Variants in PDXDC1 observed in about 807,000 individuals in gnomAD.
PDXDC1 encodes pyridoxal dependent decarboxylase domain containing 1, also known as pyridoxal-dependent decarboxylase domain-containing protein 1.
Under a neutral mutation model 100.1 loss-of-function variants are expected in PDXDC1, and 42 were observed. The observed-to-expected ratio is 0.42, with a 90% CI of 0.33 to 0.54. PDXDC1 has a LOEUF of 0.54. Among genes scored for constraint, PDXDC1 ranks in the 20% least tolerant of loss-of-function variants. The pLI is 0.10. For missense variants in PDXDC1, 636 were observed against 979.2 expected (o/e 0.65, Z 4.68); for synonymous variants, 260 against 371.7 (o/e 0.70, Z 3.46).
At chr16:15,044,104 C>G (rs2043946311) in intron 16 of PDXDC1, among the ~76,000 whole-genome samples, 1 of 152,156 alleles carries the variant, frequency 6.6e-6, no homozygotes, top group Admixed American at 6.5e-5. Context: ...AATGTGTTCA[C>G]TGCTGTTTTA....
At position 14,997,791 on chromosome 16, in the gene PDXDC1, G is replaced by C; in HGVS notation, c.60G>C (p.Leu20Phe). Residue 20 changes from leucine to phenylalanine, a missense_variant, in exon 2 of 23, where the codon TTG becomes TTC. Physicochemically the swap from Leu to Phe is conservative, Grantham distance 22. Coordinates refer to ENST00000396410, the MANE Select transcript of PDXDC1 (RefSeq NM_015027.4). ...DPTLAEMGKN[L>F]KEAVKMLEDS... ...CGTTAGCTGAAATGGGAAAAAACTTGAAGGAGGCAGTGAAGATGCTGGAGG... is the reference window on the plus strand; with the variant it reads ...CGTTAGCTGAAATGGGAAAAAACTTCAAGGAGGCAGTGAAGATGCTGGAGG... 1.9e-6 allele frequency: 3 copies of C among 1,611,244 alleles called. No homozygotes were observed. Among genetic ancestry groups the C allele is most frequent in the East Asian group, 4.5e-5 (2 of 44,604 alleles).
intron 16 of PDXDC1, chr16:15,055,888 C>G: frequency 8.1e-7 from 1 of 1,227,150 alleles, no homozygotes; most frequent in Non-Finnish European, 1.0e-6. Flanking sequence ...GCGCCCCACT[C>G]ACCTCCAAAG....
rs929938771 is a variant in PDXDC1, at chr16:15,135,760, C to A, written c.1400-3119C>A. The A allele has an allele frequency of 1.6e-5, 26 of 1,596,944 alleles. No homozygotes were observed. In the Admixed American group the frequency reaches 3.2e-4, roughly 20 times the overall value. ...CCAGCACCAGGTCCTGTGTGTCTGA[C>A]CACACGCGGTATGAGCCACCCTCAG... On this transcript the variant is annotated intron_variant, in intron 16 of 16. Transcript: ENST00000535621.
intron 11 of PDXDC1, among the ~76,000 whole-genome samples, chr16:15,018,159 G>A (rs1179939954): frequency 1.3e-5 from 2 of 151,832 alleles, no homozygotes; most frequent in African/African-American, 4.8e-5. Flanking sequence ...CCAGCACTTT[G>A]GAAGGTTGAG....
chr16:15,095,523 C>A (rs1210332351), intron 16 of PDXDC1, among the ~76,000 whole-genome samples: 3 of 152,072 alleles, frequency 2.0e-5, no homozygotes, highest in Non-Finnish European at 4.4e-5. Flanking sequence ...CAGAGTGAGA[C>A]CCTGTCTCGA....
At chr16:15,064,251 C>T (rs2044854979) in intron 16 of PDXDC1, among the ~76,000 whole-genome samples, 1 of 152,052 alleles carries the variant, frequency 6.6e-6, no homozygotes, top group Non-Finnish European at 1.5e-5. Flanking sequence ...TCTCGGCTCA[C>T]TGCAACCTCC....
chr16:15,125,151 CAAAAAAAAAAAAAAAAAA>C (rs1204081449), intron 16 of PDXDC1: 1 of 195,786 alleles, frequency 5.1e-6, no homozygotes, highest in Non-Finnish European at 8.9e-6. Flanking sequence ...GACTCTGTCT[CAAAAAAAAAAAAAAAAAA>C]AAAAAAAAAA....
chr16:15,076,687 T>A lies in PDXDC1; in HGVS notation c.1399+46631T>A, dbSNP rs773392292. On this transcript the variant is annotated intron_variant, in intron 16 of 16. Coordinates refer to the PDXDC1 transcript ENST00000535621. Reference sequence around the variant, plus strand: ...GGAGAAAAAAAAAGAATAAAAGGATTTAAAAAATACAACTATGTTATTTTG... The same window carrying A: ...GGAGAAAAAAAAAGAATAAAAGGATATAAAAAATACAACTATGTTATTTTG... The A allele has an allele frequency of 2.1e-6, 3 of 1,409,488 alleles. No homozygotes were observed. The South Asian group carries it at 3.5e-5, about 16-fold the overall frequency. The allele number at this position is 1,409,488 out of a possible 1,614,324, so 87.3% of individuals were successfully genotyped here. A position where few individuals can be genotyped will look rare whatever the true frequency, so the allele number is the denominator to read the frequency against.
intron 16 of PDXDC1, chr16:15,136,155 G>A (rs1316627838): frequency 6.0e-6 from 7 of 1,161,282 alleles, no homozygotes; most frequent in African/African-American, 4.5e-5. Flanking sequence ...TGGGATGCCA[G>A]GGGGCTCAGG....
At chr16:15,005,863 C>T (rs1974142379) in intron 5 of PDXDC1, among the ~76,000 whole-genome samples, 1 of 152,282 alleles carries the variant, frequency 6.6e-6, no homozygotes, top group African/African-American at 2.4e-5. Flanking sequence ...CCACACCTCG[C>T]AATTAGTAGA....
Position 15,037,814 on chromosome 16 carries a change from ATCAATT to A in PDXDC1, c.*1541_*1546del. On this transcript the variant is annotated 3_prime_UTR_variant, in exon 23 of 23. Transcript: ENST00000396410. ...TTACCGACCAAAAAAAAAACTGGACATCAATTTTTTAGTAAACCAAAAAATAAGTCT... is the reference window on the plus strand; with the variant it reads ...TTACCGACCAAAAAAAAAACTGGACATTTTAGTAAACCAAAAAATAAGTCT... 2.2e-6 allele frequency: 1 copy of A among 460,238 alleles called. No homozygotes were observed. The highest frequency in any genetic ancestry group is 3.8e-6 in the Non-Finnish European group (1 of 261,968). 28.5% of individuals were successfully genotyped at this position (460,238 alleles called of 1,614,324 possible).
chr16:14,990,984 C>T (rs1597340191), intron 1 of PDXDC1, among the ~76,000 whole-genome samples: 2 of 152,246 alleles, frequency 1.3e-5, no homozygotes, highest in South Asian at 2.1e-4. Flanking sequence ...TCAGGTGATC[C>T]GTCAACCTCG....
At chr16:15,047,489 C>G (rs763952702) in intron 16 of PDXDC1, 1 of 1,614,036 alleles carries the variant, frequency 6.2e-7, no homozygotes, top group Admixed American at 1.7e-5. Context: ...AGTTCATGAT[C>G]AAGGGGACCT....
chr16:14,985,505 G>A (rs1365544708), intron 1 of PDXDC1, among the ~76,000 whole-genome samples: 1 of 151,678 alleles, frequency 6.6e-6, no homozygotes, highest in Admixed American at 6.6e-5. Context: ...AGCCAGGATG[G>A]TCTCCATCTG....
chr16:15,021,183 C>T (rs1422444243), intron 12 of PDXDC1, among the ~76,000 whole-genome samples: 2 of 152,250 alleles, frequency 1.3e-5, no homozygotes, highest in Non-Finnish European at 1.5e-5. Flanking sequence ...TCAACACCAG[C>T]CTGGGCAATG....
the PDXDC1 span, among the ~76,000 whole-genome samples, chr16:15,149,971 C>A: frequency 1.3e-5 from 2 of 152,086 alleles, no homozygotes; most frequent in East Asian, 1.9e-4. Flanking sequence ...CAAGACACAG[C>A]GAGAAATCCA....
chr16:15,091,316 T>G (rs779464883), intron 16 of PDXDC1: 2 of 1,601,868 alleles, frequency 1.2e-6, no homozygotes, highest in Non-Finnish European at 1.7e-6. Flanking sequence ...ATTAATTACC[T>G]TTATGTCTGG....
intron 16 of PDXDC1, chr16:15,128,273 T>C (rs767840066): frequency 3.7e-6 from 6 of 1,611,028 alleles, no homozygotes; most frequent in Non-Finnish European, 5.1e-6. Context: ...CTGTGCGGGG[T>C]GGCGATCCGG....
chr16:15,003,125 T>C (rs1441121423), intron 4 of PDXDC1, among the ~76,000 whole-genome samples: 2 of 152,062 alleles, frequency 1.3e-5, no homozygotes, highest in African/African-American at 4.8e-5. Flanking sequence ...TCAATTTTAA[T>C]TATATATAAA....
Sources: allele counts gnomAD v4.1 joint callset (sites outside exome capture counted in the v4.1 genomes callset), GRCh38; gene constraint gnomAD v4.1.1; transcripts MANE v1.5; gene names NCBI Gene and HGNC (gene_info 2026-07-23, HGNC 2026-07-21).